The following ANXA7 variants were observed in gnomAD, a reference collection of about 807,000 sequenced individuals.
ANXA7 encodes the protein annexin VII.
Under a neutral mutation model 64.9 loss-of-function variants are expected in ANXA7, and 55 were observed. That is an observed-to-expected ratio of 0.85 (90% CI 0.68 to 1.06). The LOEUF (loss-of-function observed/expected upper bound fraction) is 1.06. Among genes scored for constraint, ANXA7 ranks in the 50% least tolerant of loss-of-function variants. ANXA7 has a pLI of 0.00. For synonymous variants in ANXA7, 200 were observed against 192.4 expected (o/e 1.04, Z -0.33); for missense variants, 548 against 582.1 (o/e 0.94, Z 0.60).
chr10:73,377,111 G>T (rs1047518559), intron 12 of ANXA7, among the ~76,000 whole-genome samples: 3 of 152,134 alleles, frequency 2.0e-5, no homozygotes, highest in African/African-American at 7.2e-5. Flanking sequence ...ATAACAATGT[G>T]AATGTACTTA....
intron 2 of ANXA7, 22 bp from the exon 3 acceptor site, chr10:73,398,407 T>A (rs1223260332): frequency 6.3e-7 from 1 of 1,592,856 alleles, no homozygotes; most frequent in Admixed American, 1.7e-5. Context: ...GAATAATTTT[T>A]AAACAAATAC....
At chr10:73,380,543 G>T (rs889661160) in intron 9 of ANXA7, among the ~76,000 whole-genome samples, 1 of 152,000 alleles carries the variant, frequency 6.6e-6, no homozygotes, top group Non-Finnish European at 1.5e-5. Context: ...TAAAGTGCTG[G>T]GATTATAGAT....
intron 9 of ANXA7, among the ~76,000 whole-genome samples, chr10:73,381,047 T>G (rs1460110452): frequency 6.6e-6 from 1 of 152,042 alleles, no homozygotes; most frequent in African/African-American, 2.4e-5. Context: ...GTATAATATT[T>G]TTTTTTAAGA....
At chr10:73,412,122 C>T (rs1020512787) in intron 1 of ANXA7, among the ~76,000 whole-genome samples, 5 of 152,068 alleles carry the variant, frequency 3.3e-5, no homozygotes, top group South Asian at 2.1e-4. Flanking sequence ...CTGCAACCTC[C>T]GCCTCCGGGG....
chr10:73,388,085 G>A (rs2055407844), intron 6 of ANXA7, among the ~76,000 whole-genome samples: 2 of 151,930 alleles, frequency 1.3e-5, no homozygotes, highest in African/African-American at 4.8e-5. Context: ...GAACTCAGGT[G>A]ATCTGCCCAC....
At chr10:73,408,724 C>T (rs2055796402) in intron 1 of ANXA7, among the ~76,000 whole-genome samples, 1 of 151,906 alleles carries the variant, frequency 6.6e-6, no homozygotes. Context: ...AGGAATGTAC[C>T]TTATAGAAAT....
At chr10:73,412,006 G>C (rs12241084) in intron 1 of ANXA7, among the ~76,000 whole-genome samples, 4,487 of 152,228 alleles carry the variant, frequency 0.029, 219 homozygotes, top group African/African-American at 0.1. Context: ...CCTGGATGAA[G>C]AGCTGGGACA....
In ANXA7 at chr10:73,378,921, G is replaced by A. The variant is rs765949535; in HGVS notation, c.1268C>T (p.Thr423Ile). Residue 423 changes from threonine (T) to isoleucine (I), a missense_variant, in exon 12 of 13, where the codon ACT (threonine) becomes ATT (isoleucine). Physicochemically the swap from Thr to Ile is moderately conservative, Grantham distance 89. Transcript: ENST00000372921. ...DDSTLVRIVVTRSEIDLVQIK... is the reference protein window; with the variant it reads ...DDSTLVRIVVIRSEIDLVQIK... ...AGAGGCCTGCCTCACCTCACTTCGA[G>A]TGACCACAATCCGGACCAGGGTGGA... 6.2e-7 allele frequency: 1 copy of A among 1,612,760 alleles called. No individual in the cohort carries two copies. Among genetic ancestry groups the A allele is most frequent in the African/African-American group, 1.3e-5 (1 of 74,884 alleles).
chr10:73,379,320 C>A (rs1488807744), intron 11 of ANXA7, among the ~76,000 whole-genome samples: 2 of 152,110 alleles, frequency 1.3e-5, no homozygotes, highest in Non-Finnish European at 2.9e-5. Flanking sequence ...TGAGCTACTG[C>A]CCCTGGCCCA....
chr10:73,383,458 G>A, intron 8 of ANXA7, 113 bp from the exon 9 acceptor site: 3 of 1,257,730 alleles, frequency 2.4e-6, no homozygotes, highest in Non-Finnish European at 3.3e-6. Context: ...TATTCAGATG[G>A]ATGATGTGAA....
intron 7 of ANXA7, among the ~76,000 whole-genome samples, chr10:73,386,453 C>T (rs2055371876): frequency 6.6e-6 from 1 of 152,064 alleles, no homozygotes; most frequent in Non-Finnish European, 1.5e-5. Context: ...TTAGTAATAA[C>T]AGAGGTTTTA....
At chr10:73,391,509 G>A (rs978367768) in intron 5 of ANXA7, among the ~76,000 whole-genome samples, 1 of 152,116 alleles carries the variant, frequency 6.6e-6, no homozygotes, top group Admixed American at 6.6e-5. Context: ...TTACTCAGGA[G>A]GCTGATGCAG....
chr10:73,412,572 C>T (rs535991135), intron 1 of ANXA7, among the ~76,000 whole-genome samples: 1 of 150,602 alleles, frequency 6.6e-6, no homozygotes, highest in Middle Eastern at 3.2e-3. Flanking sequence ...TGGCTCACTG[C>T]AACCTCTGCC....
chr10:73,387,680 A>C lies in ANXA7; in HGVS notation c.633+9T>G. ...CTGCTGGTGCTCATTCCAGGAAAGAAAAACATACCTTGCCATAGGAGGTCT... is the reference window on the plus strand; with the variant it reads ...CTGCTGGTGCTCATTCCAGGAAAGACAAACATACCTTGCCATAGGAGGTCT... On this transcript the variant is annotated intron_variant, in intron 7 of 12. Transcript: ENST00000372921. The C allele has an allele frequency of 6.2e-7, 1 of 1,610,960 alleles. No homozygotes were observed. Among genetic ancestry groups the C allele is most frequent in the East Asian group, 2.2e-5 (1 of 44,862 alleles).
intron 12 of ANXA7, among the ~76,000 whole-genome samples, chr10:73,377,250 A>T (rs2055184215): frequency 6.6e-6 from 1 of 152,122 alleles, no homozygotes; most frequent in Admixed American, 6.5e-5. Flanking sequence ...GTTTTCTTTA[A>T]AAATAATCTA....
chr10:73,401,855 T>C (rs2055672588), intron 1 of ANXA7, among the ~76,000 whole-genome samples: 1 of 152,206 alleles, frequency 6.6e-6, no homozygotes, highest in Non-Finnish European at 1.5e-5. Flanking sequence ...AGCACCTTGC[T>C]CTTGGACTTC....
intron 7 of ANXA7, among the ~76,000 whole-genome samples, chr10:73,386,484 G>A (rs1315133349): frequency 6.6e-6 from 1 of 152,130 alleles, no homozygotes; most frequent in Non-Finnish European, 1.5e-5. Context: ...TGGGACTACA[G>A]TATTAAGAAG....
At chr10:73,383,786 T>C (rs2055313990) in intron 7 of ANXA7, 96 bp from the exon 8 acceptor site, 2 of 835,094 alleles carry the variant, frequency 2.4e-6, no homozygotes, top group East Asian at 2.7e-5. Context: ...TGGAATTGCT[T>C]TATAAAAACC....
chr10:73,408,062 TAATCCCAA>T (rs1453253512), intron 1 of ANXA7: 1 of 152,850 alleles, frequency 6.5e-6, no homozygotes, highest in Non-Finnish European at 1.5e-5. Context: ...CTCACACCTA[TAATCCCAA>T]AACTCTGGGA....
Sources: gnomAD v4.1 joint callset for allele counts (sites outside exome capture counted in the v4.1 genomes callset) on GRCh38, gnomAD v4.1.1 for gene constraint, MANE v1.5 for transcripts, NCBI Gene and HGNC (gene_info 2026-07-23, HGNC 2026-07-21) for gene names.